Variants in KMT2C observed in about 807,000 individuals in gnomAD.
KMT2C encodes the protein lysine methyltransferase 2C, also known as histone-lysine N-methyltransferase 2C.
In KMT2C, 88 loss-of-function variants were observed where a neutral mutation model predicts 507.9. The ratio of observed to expected loss-of-function variants is 0.17; its 90% CI spans 0.15 to 0.21. The LOEUF (loss-of-function observed/expected upper bound fraction) is 0.21, where lower values mean the gene tolerates loss of function less well. Ranked by LOEUF, KMT2C falls within the 10% of genes least tolerant of loss-of-function variation. The probability of loss-of-function intolerance (pLI) is 1.00; values close to 1 mark genes in which losing one functional copy is unlikely to be tolerated. For synonymous variants in KMT2C, 2,049 were observed against 2,080.8 expected, an observed-to-expected ratio of 0.98 and a Z score of 0.42; for missense variants, 4,954 against 5,957.8, an observed-to-expected ratio of 0.83 and a Z score of 5.55.
intron 3 of KMT2C, among the ~76,000 whole-genome samples, chr7:152,329,445 C>A (rs916540760): frequency 6.6e-6 from 1 of 152,048 alleles, no homozygotes; most frequent in Non-Finnish European, 1.5e-5. Context: ...TGGCACACAC[C>A]TGTAGTCCCA....
intron 23 of KMT2C, among the ~76,000 whole-genome samples, chr7:152,208,364 A>G (rs1017536077): frequency 2.0e-5 from 3 of 152,218 alleles, no homozygotes; most frequent in Admixed American, 1.3e-4. Context: ...TCACTGTATT[A>G]AAGAATTCCT....
chr7:152,262,769 G>A (rs2095801278), intron 9 of KMT2C, among the ~76,000 whole-genome samples: 2 of 152,200 alleles, frequency 1.3e-5, no homozygotes, highest in East Asian at 1.9e-4. Flanking sequence ...AAGCAGACTA[G>A]GAAGACAGAG....
intron 11 of KMT2C, 60 bp downstream of exon 11, chr7:152,251,879 A>C: frequency 7.8e-7 from 1 of 1,275,774 alleles, no homozygotes; most frequent in Non-Finnish European, 1.1e-6. Context: ...TATATTGGTG[A>C]TACAATGGCA....
At chr7:152,306,027 A>G (rs2096613101) in intron 6 of KMT2C, among the ~76,000 whole-genome samples, 2 of 152,136 alleles carry the variant, frequency 1.3e-5, no homozygotes, top group Admixed American at 1.3e-4. Flanking sequence ...ACACATCTAT[A>G]TTTCTGTATG....
At chr7:152,354,887 G>C (rs765403141) in intron 2 of KMT2C, among the ~76,000 whole-genome samples, 2 of 152,154 alleles carry the variant, frequency 1.3e-5, no homozygotes, top group Non-Finnish European at 2.9e-5. Flanking sequence ...TGGAGTCTTT[G>C]GATGGTTGAC....
intron 43 of KMT2C, among the ~76,000 whole-genome samples, chr7:152,161,715 T>G (rs141221769): frequency 1.2e-4 from 18 of 152,142 alleles, no homozygotes; most frequent in Admixed American, 1.1e-3. Flanking sequence ...TCCCTAAGAG[T>G]GCCAAGGGTA....
intron 14 of KMT2C, among the ~76,000 whole-genome samples, chr7:152,241,196 T>TTTTC (rs773061505): frequency 7.2e-5 from 11 of 152,012 alleles, no homozygotes; most frequent in Non-Finnish European, 1.0e-4. Flanking sequence ...ATGTCTGGCA[T>TTTTC]TTTCTTTCTT....
chr7:152,139,329 C>T, intron 56 of KMT2C, 70 bp from the exon 57 acceptor site: 2 of 1,398,452 alleles, frequency 1.4e-6, no homozygotes, highest in African/African-American at 1.4e-5. Context: ...CTATCCACAC[C>T]AGGAGGACTC....
chr7:152,286,141 G>A (rs1201149029), intron 6 of KMT2C, among the ~76,000 whole-genome samples: 8 of 152,290 alleles, frequency 5.3e-5, no homozygotes, highest in Non-Finnish European at 1.0e-4. Flanking sequence ...AAAACACTGG[G>A]AAGAAAACGA....
chr7:152,385,351 G>A lies in KMT2C; in HGVS notation c.162-26676C>T, dbSNP rs1202540667. Among the ~76,000 whole-genome samples, 6 of 123,168 alleles carry A rather than the reference G, an allele frequency of 4.9e-5. 1 individual carries two copies. Among genetic ancestry groups the A allele is most frequent in the African/African-American group, 1.1e-4 (2 of 18,502 alleles). 80.8% of individuals were successfully genotyped at this position (123,168 alleles called of 152,430 possible). A position where few individuals can be genotyped will look rare whatever the true frequency, so the allele number is the denominator to read the frequency against. On this transcript the variant is annotated intron_variant, in intron 1 of 58. Coordinates refer to ENST00000262189, the MANE Select transcript of KMT2C (RefSeq NM_170606.3). ...GTGTTGGCCGGGCGCGGTGGCTCAC[G>A]CCTGTAATCCCAGCACTTTGGGAGG...
At chr7:152,222,158 A>G in intron 21 of KMT2C, 92 bp from the exon 22 acceptor site, 1 of 821,394 alleles carries the variant, frequency 1.2e-6, no homozygotes, top group Non-Finnish European at 1.8e-6. Flanking sequence ...CTGTTTCTAT[A>G]CTCATTTTAT....
In KMT2C at chr7:152,367,972, A is replaced by G. The variant is rs2097260980; in HGVS notation, c.162-9297T>C. On this transcript the variant is annotated intron_variant, in intron 1 of 58. Transcript: ENST00000262189. ...ATACCAGAGGAATGCCAACAGTTTA[A>G]AAAACAGATAATGAAAGAAATCCAA... is the stretch of plus-strand genomic sequence containing the variant. 3.3e-6 allele frequency: 3 copies of G among 896,296 alleles called. No individual in the cohort carries two copies. The South Asian group carries it at 4.3e-5, about 13-fold the overall frequency. 55.5% of individuals were successfully genotyped at this position (896,296 alleles called of 1,614,324 possible).
At chr7:152,297,568 T>C (rs1389000979) in intron 6 of KMT2C, among the ~76,000 whole-genome samples, 1 of 152,184 alleles carries the variant, frequency 6.6e-6, no homozygotes, top group Non-Finnish European at 1.5e-5. Flanking sequence ...TATTAATTCA[T>C]GGAACATTCA....
At chr7:152,316,175 A>G (rs2096721143) in intron 3 of KMT2C, among the ~76,000 whole-genome samples, 1 of 152,172 alleles carries the variant, frequency 6.6e-6, no homozygotes, top group South Asian at 2.1e-4. Context: ...GAAAGGGATG[A>G]TTAGGAGCAA....
chr7:152,237,206 C>T (rs539565543), intron 15 of KMT2C, among the ~76,000 whole-genome samples: 3 of 152,244 alleles, frequency 2.0e-5, no homozygotes, highest in Non-Finnish European at 4.4e-5. Flanking sequence ...GTCATATCTT[C>T]AACTGATGTC....
chr7:152,231,716 G>C (rs1331551152), intron 16 of KMT2C, among the ~76,000 whole-genome samples: 4 of 152,008 alleles, frequency 2.6e-5, no homozygotes, highest in Non-Finnish European at 5.9e-5. Context: ...AGGAGGCAGA[G>C]GTTACAGTGA....
rs76854051 is a variant in KMT2C at position 152,232,934 on chromosome 7, A to G, written c.2770-2613T>C. ...CCACTAACAGAAAATTCAACACATT[A>G]TACCCACTGAGCAGCTCAAAGAAAT... On this transcript the variant is annotated intron_variant, in intron 16 of 58. Coordinates refer to ENST00000262189, the MANE Select transcript of KMT2C (RefSeq NM_170606.3). Among the ~76,000 whole-genome samples the G allele has an allele frequency of 5.6e-4, 86 of 152,314 alleles. 2 individuals are homozygous for G. In the East Asian group the frequency reaches 0.017, roughly 29 times the overall value.
intron 1 of KMT2C, among the ~76,000 whole-genome samples, chr7:152,422,895 T>C (rs530506479): frequency 2.6e-5 from 4 of 151,766 alleles, no homozygotes; most frequent in African/African-American, 9.7e-5. Flanking sequence ...TGGTGGCCTG[T>C]AGTCCCAGCT....
At chr7:152,415,669 A>C (rs1366691120) in intron 1 of KMT2C, among the ~76,000 whole-genome samples, 1 of 152,152 alleles carries the variant, frequency 6.6e-6, no homozygotes, top group Non-Finnish European at 1.5e-5. Flanking sequence ...TCATGAGATC[A>C]GGTGCTCGAG....
Sources: gnomAD v4.1 joint callset for allele counts (sites outside exome capture counted in the v4.1 genomes callset) on GRCh38, gnomAD v4.1.1 for gene constraint, MANE v1.5 for transcripts, NCBI Gene and HGNC (gene_info 2026-07-23, HGNC 2026-07-21) for gene names.